PTPRT: variants seen among roughly 807,000 people sequenced by gnomAD.
The protein encoded by PTPRT is receptor-type tyrosine-protein phosphatase T.
In PTPRT, 56 loss-of-function variants were observed where a neutral mutation model predicts 176.8. The ratio of observed to expected loss-of-function variants is 0.32; its 90% CI spans 0.26 to 0.40. The LOEUF is 0.40. Among genes scored for constraint, PTPRT ranks in the 10% least tolerant of loss-of-function variants. PTPRT has a pLI of 1.00. For synonymous variants in PTPRT, 783 were observed against 739.0 expected, an observed-to-expected ratio of 1.06 and a Z score of -0.96; for missense variants, 1,540 against 1,908.2, an observed-to-expected ratio of 0.81 and a Z score of 3.60.
chr20:42,919,439 G>C (rs1979001882), intron 1 of PTPRT, among the ~76,000 whole-genome samples: 1 of 152,220 alleles, frequency 6.6e-6, no homozygotes, highest in Non-Finnish European at 1.5e-5. Context: ...ACATGAGAGT[G>C]ATGGCTGGTC....
intron 1 of PTPRT, among the ~76,000 whole-genome samples, chr20:42,946,381 A>G (rs2013105268): frequency 6.6e-6 from 1 of 152,238 alleles, no homozygotes; most frequent in Non-Finnish European, 1.5e-5. Flanking sequence ...AGAGAAAGGA[A>G]AAACCTTAAT....
intron 5 of PTPRT, among the ~76,000 whole-genome samples, chr20:42,763,322 G>A (rs933071031): frequency 6.6e-6 from 1 of 152,162 alleles, no homozygotes; most frequent in South Asian, 2.1e-4. Flanking sequence ...TGGCAGAAGT[G>A]GAAACAGTAC....
At chr20:42,900,704 G>T (rs1448418443) in intron 1 of PTPRT, among the ~76,000 whole-genome samples, 1 of 152,202 alleles carries the variant, frequency 6.6e-6, no homozygotes, top group Admixed American at 6.5e-5. Context: ...GTTGGGAGAA[G>T]CTGAGGCAGG....
chr20:42,314,683 A>C (rs1461904524), intron 12 of PTPRT, among the ~76,000 whole-genome samples: 3 of 152,178 alleles, frequency 2.0e-5, no homozygotes, highest in Non-Finnish European at 4.4e-5. Context: ...TAGAGAAGAA[A>C]AGGGTGTTAG....
At chr20:42,290,257 A>G (rs2057296838) in intron 12 of PTPRT, among the ~76,000 whole-genome samples, 1 of 152,124 alleles carries the variant, frequency 6.6e-6, no homozygotes, top group Non-Finnish European at 1.5e-5. Flanking sequence ...ACAGTACAAT[A>G]TAATTTCATT....
intron 1 of PTPRT, among the ~76,000 whole-genome samples, chr20:43,072,091 A>C (rs905292398): frequency 5.3e-5 from 8 of 152,230 alleles, no homozygotes; most frequent in African/African-American, 1.9e-4. Context: ...CATGGCACTC[A>C]TCAATGTCTA....
intron 1 of PTPRT, among the ~76,000 whole-genome samples, chr20:43,174,199 AAC>A (rs2015073100): frequency 6.6e-6 from 1 of 152,220 alleles, no homozygotes; most frequent in Non-Finnish European, 1.5e-5. Context: ...AATGCCCAAG[AAC>A]ACAGAATCTA....
rs564333997 is a variant in PTPRT, at chr20:42,348,737, A to G, written c.1865+1891T>C. ...ATCTTTTCAGGGTAAACCAGGACCAAGTAATAAACACGAATGGCTATGAGG... is the reference window on the plus strand; with the variant it reads ...ATCTTTTCAGGGTAAACCAGGACCAGGTAATAAACACGAATGGCTATGAGG... On this transcript the variant is annotated intron_variant, in intron 11 of 30. Transcript: ENST00000373187. 7.2e-5 allele frequency among the ~76,000 whole-genome samples: 11 copies of G among 152,286 alleles called. No individual in the cohort carries two copies. In the South Asian group the frequency reaches 2.3e-3, roughly 32 times the overall value.
chr20:42,567,317 A>AG, intron 7 of PTPRT, among the ~76,000 whole-genome samples: 1 of 152,048 alleles, frequency 6.6e-6, no homozygotes, highest in Non-Finnish European at 1.5e-5. Flanking sequence ...GAGAAAAAAA[A>AG]CGATTTTTAA....
intron 27 of PTPRT, among the ~76,000 whole-genome samples, chr20:42,086,749 A>ATATATATATATATATATAT (rs59068856): frequency 8.0e-5 from 6 of 75,138 alleles, no homozygotes; most frequent in Admixed American, 1.2e-4. Flanking sequence ...AAAAAAAAAA[A>ATATATATATATATATATAT]AAAAATATAT....
At chr20:42,870,827 G>A (rs2078832603) in intron 2 of PTPRT, among the ~76,000 whole-genome samples, 2 of 152,066 alleles carry the variant, frequency 1.3e-5, no homozygotes, top group Admixed American at 6.5e-5. Flanking sequence ...TTTTCCAGAT[G>A]CTTGACGTTT....
intron 11 of PTPRT, among the ~76,000 whole-genome samples, chr20:42,332,623 A>G (rs1179511069): frequency 6.6e-6 from 1 of 151,996 alleles, no homozygotes; most frequent in African/African-American, 2.4e-5. Context: ...GGTCATTCAG[A>G]TTTGTATATG....
intron 8 of PTPRT, among the ~76,000 whole-genome samples, chr20:42,459,104 A>G (rs1179807459): frequency 6.6e-6 from 1 of 152,228 alleles, no homozygotes; most frequent in East Asian, 1.9e-4. Context: ...GTGACATTGG[A>G]AAAAAGACTT....
chr20:42,320,089 CCAAGGATCTCTTATTG>C (rs2145394912), intron 11 of PTPRT, among the ~76,000 whole-genome samples: 1 of 152,234 alleles, frequency 6.6e-6, no homozygotes, highest in East Asian at 1.9e-4. Context: ...ATTACTTATG[CCAAGGATCTCTTATTG>C]CAAGGATCTA....
chr20:42,847,412 G>A (rs965496813), intron 2 of PTPRT, among the ~76,000 whole-genome samples: 2 of 152,176 alleles, frequency 1.3e-5, no homozygotes, highest in African/African-American at 4.8e-5. Context: ...GAAGACCAAG[G>A]GCATTGGCAG....
intron 7 of PTPRT, among the ~76,000 whole-genome samples, chr20:42,488,607 C>G (rs1269348137): frequency 6.6e-6 from 1 of 151,938 alleles, no homozygotes; most frequent in African/African-American, 2.4e-5. Flanking sequence ...TTTGTATATT[C>G]TAGGGGTTTT....
chr20:42,422,016 A>C (rs2059122946), intron 9 of PTPRT, among the ~76,000 whole-genome samples: 1 of 152,362 alleles, frequency 6.6e-6, no homozygotes, highest in African/African-American at 2.4e-5. Flanking sequence ...GAAGACTGAA[A>C]CTAAACCTTT....
intron 16 of PTPRT, among the ~76,000 whole-genome samples, chr20:42,175,370 G>A (rs1054137353): frequency 6.6e-6 from 1 of 152,104 alleles, no homozygotes; most frequent in African/African-American, 2.4e-5. Context: ...TACAGGACGT[G>A]CTATTCTCCT....
rs138769672 is a variant in PTPRT, at chr20:42,653,883, A to G, written c.1153+23983T>C. ...AATATCTATAAAGGCATGTAGACAC[A>G]TATGTCATAGATAACGAATTCTTGT... is the stretch of plus-strand genomic sequence containing the variant. On this transcript the variant is annotated intron_variant, in intron 7 of 30. Coordinates refer to ENST00000373187, the MANE Select transcript of PTPRT (RefSeq NM_007050.6). 4.7e-3 allele frequency among the ~76,000 whole-genome samples: 722 copies of G among 152,332 alleles called. 5 individuals are homozygous for G. The highest frequency in any genetic ancestry group is 0.017 in the African/African-American group (693 of 41,576).
Sources: gnomAD v4.1 joint callset for allele counts (sites outside exome capture counted in the v4.1 genomes callset) on GRCh38, gnomAD v4.1.1 for gene constraint, MANE v1.5 for transcripts, NCBI Gene and HGNC (gene_info 2026-07-23, HGNC 2026-07-21) for gene names.